Variants in ADAMTS9 observed in about 807,000 individuals in gnomAD.
The protein encoded by ADAMTS9 is ADAM metallopeptidase with thrombospondin type 1 motif 9, also known as A disintegrin and metalloproteinase with thrombospondin motifs 9.
In ADAMTS9, 107 loss-of-function variants were observed where a neutral mutation model predicts 257.1. That is an observed-to-expected ratio of 0.42 (90% CI 0.36 to 0.49). The LOEUF is 0.49. ADAMTS9 is among the 20% of genes least tolerant of loss of function. The pLI is 0.03. For missense variants in ADAMTS9, 2,353 were observed against 2,469.1 expected (o/e 0.95, Z 1.00); for synonymous variants, 982 against 880.9 (o/e 1.11, Z -2.03).
chr3:64,681,156 C>T, intron 3 of ADAMTS9, 45 bp downstream of exon 3: 2 of 1,578,592 alleles, frequency 1.3e-6, no homozygotes, highest in Non-Finnish European at 8.6e-7. Flanking sequence ...AGCAATTTAC[C>T]CATCTCAAAG....
intron 3 of ADAMTS9, among the ~76,000 whole-genome samples, chr3:64,676,174 A>T (rs1701621070): frequency 6.6e-6 from 1 of 152,306 alleles, no homozygotes; most frequent in South Asian, 2.1e-4. Flanking sequence ...CTGTCTGGTT[A>T]TTGAGACTGC....
chr3:64,631,756 T>G, intron 15 of ADAMTS9, 52 bp downstream of exon 15: 2 of 1,504,682 alleles, frequency 1.3e-6, no homozygotes, highest in East Asian at 4.5e-5. Context: ...GGTTAACAAT[T>G]TTCAAACTTT....
At chr3:64,576,725 C>G (rs1349466403) in intron 28 of ADAMTS9, among the ~76,000 whole-genome samples, 1 of 152,184 alleles carries the variant, frequency 6.6e-6, no homozygotes, top group East Asian at 1.9e-4. Context: ...TTAGGCCATC[C>G]TCCCATCCCC....
chr3:64,594,156 G>T, intron 28 of ADAMTS9, 102 bp downstream of exon 28: 1 of 1,245,416 alleles, frequency 8.0e-7, no homozygotes, highest in East Asian at 2.4e-5. Context: ...GAGTTTCTGG[G>T]ATGCCCTTGT....
chr3:64,608,646 C>T (rs1428498050), intron 22 of ADAMTS9, among the ~76,000 whole-genome samples: 1 of 151,848 alleles, frequency 6.6e-6, no homozygotes, highest in East Asian at 1.9e-4. Flanking sequence ...AATCATTAAT[C>T]AAAGTCTTCC....
At chr3:64,621,274 A>AAAT in intron 18 of ADAMTS9, 34 bp from the exon 19 acceptor site, 1 of 1,590,154 alleles carries the variant, frequency 6.3e-7, no homozygotes, top group East Asian at 2.3e-5. Flanking sequence ...TATTCAGGGA[A>AAAT]AATAATCTAT....
intron 38 of ADAMTS9, among the ~76,000 whole-genome samples, chr3:64,529,349 T>C (rs2082948770): frequency 6.6e-6 from 1 of 152,324 alleles, no homozygotes; most frequent in Non-Finnish European, 1.5e-5. Flanking sequence ...CCTGAATCAA[T>C]ACAGCTTTCC....
In ADAMTS9 at chr3:64,602,239, AG is replaced by A. The variant is rs752555608; in HGVS notation, c.3748-27del. On this transcript the variant is annotated intron_variant, in intron 25 of 39. Transcript: ENST00000498707. ...CTAGGTTGAATGTTCAGAAAGAGAAAGGGTCAGTCATTTGGTGGAGGGGTTG... is the reference window on the plus strand; with the variant it reads ...CTAGGTTGAATGTTCAGAAAGAGAAAGGTCAGTCATTTGGTGGAGGGGTTG... 4.1e-5 allele frequency: 66 copies of A among 1,608,028 alleles called. 1 individual carries two copies. In the Admixed American group the frequency reaches 1.0e-3, roughly 25 times the overall value.
intron 12 of ADAMTS9, among the ~76,000 whole-genome samples, chr3:64,640,782 A>G (rs1163515593): frequency 6.6e-6 from 1 of 152,140 alleles, no homozygotes; most frequent in African/African-American, 2.4e-5. Flanking sequence ...ATTGGATGTC[A>G]TTTTTTATAA....
chr3:64,517,166 C>T (rs972625859), intron 39 of ADAMTS9, 45 bp from the exon 40 acceptor site: 1 of 152,512 alleles, frequency 6.6e-6, no homozygotes, highest in South Asian at 2.1e-4. Flanking sequence ...GCCTCAAATG[C>T]TGCAAGTTAA....
intron 21 of ADAMTS9, 75 bp from the exon 22 acceptor site, chr3:64,613,584 A>G: frequency 6.9e-7 from 1 of 1,449,902 alleles, no homozygotes; most frequent in Non-Finnish European, 9.3e-7. Flanking sequence ...TTTATTGATG[A>G]GTAGGAACAG....
At position 64,516,048 on chromosome 3, in the gene ADAMTS9, T is replaced by C. The variant is rs976969537; in HGVS notation, c.*1079A>G. Reference sequence around the variant, plus strand: ...GCAGCGGGCATGAAAACCGGCAGGGTGTTAGGCTCATGGCCTGAAGAGAAG... The same window carrying C: ...GCAGCGGGCATGAAAACCGGCAGGGCGTTAGGCTCATGGCCTGAAGAGAAG... On this transcript the variant is annotated 3_prime_UTR_variant, in exon 40 of 40. Coordinates refer to ENST00000498707, the MANE Select transcript of ADAMTS9 (RefSeq NM_182920.2). 1 of 152,126 alleles carries C rather than the reference T, an allele frequency of 6.6e-6. No homozygotes were observed. The highest frequency in any genetic ancestry group is 6.5e-5 in the Admixed American group (1 of 15,268). 9.4% of individuals were successfully genotyped at this position (152,126 alleles called of 1,614,324 possible).
rs1047954274 is a variant in ADAMTS9 at position 64,681,316 on chromosome 3, T to C, written c.564A>G (p.Leu188=). ...SHDGDYFIEP[L]QSMDEQEDEE... ...CATCTTCTTGTTCATCCATAGACTG[T>C]AGTGGTTCAATAAAATAATCCCCAT... Residue 188 remains leucine, a synonymous_variant, in exon 3 of 40, where the codon CTA becomes CTG. Transcript: ENST00000498707. The C allele has an allele frequency of 2.5e-6, 4 of 1,613,682 alleles. No individual in the cohort carries two copies. The highest frequency in any genetic ancestry group is 1.3e-5 in the African/African-American group (1 of 74,868).
intron 28 of ADAMTS9, among the ~76,000 whole-genome samples, chr3:64,571,336 C>T (rs189565083): frequency 1.5e-3 from 221 of 152,284 alleles, no homozygotes; most frequent in African/African-American, 5.1e-3. Context: ...GGCATAACCA[C>T]AATGCTTTAT....
At chr3:64,642,043 T>A (rs192582347) in intron 11 of ADAMTS9, 50 bp from the exon 12 acceptor site, 214 of 1,605,100 alleles carry the variant, frequency 1.3e-4, no homozygotes, top group Non-Finnish European at 1.7e-4. Flanking sequence ...TGTGAGTTGT[T>A]ACAGGACTGG....
intron 38 of ADAMTS9, among the ~76,000 whole-genome samples, chr3:64,530,974 G>C (rs954577216): frequency 6.6e-6 from 1 of 152,114 alleles, no homozygotes; most frequent in Non-Finnish European, 1.5e-5. Flanking sequence ...GGAAGGAATG[G>C]GGAAAGAACA....
rs1393179915 is a variant in ADAMTS9, at chr3:64,655,661, T to C, written c.1084A>G (p.Thr362Ala). 1.9e-6 allele frequency: 3 copies of C among 1,614,010 alleles called. No homozygotes were observed. The African/African-American group carries it at 4.0e-5, about 22-fold the overall frequency. The change falls in exon 6 of 40, where the codon ACA becomes GCA. Residue 362 changes from threonine to alanine, a missense_variant. Physicochemically the swap from Thr to Ala is moderately conservative, Grantham distance 58. Around this residue, in one of 3 missense-constraint regions of ADAMTS9, gnomAD observed 591 missense variants for 569.6 expected, o/e 1.04. Coordinates refer to ENST00000498707, the MANE Select transcript of ADAMTS9 (RefSeq NM_182920.2). Reference protein sequence around the residue: ...DGPSISFNAQTTLKNFCQWQH... With the variant: ...DGPSISFNAQATLKNFCQWQH... The stretch of plus-strand genomic sequence containing the variant: ...CACTGGCAAAAGTTTTTTAATGTTG[T>C]CTGAGCATTAAAAGATATGGAAGGC...
rs1559811190 is a variant in ADAMTS9 at position 64,651,180 on chromosome 3, AATG to A, written c.1317-20_1317-18del. On this transcript the variant is annotated intron_variant, in intron 8 of 39. Coordinates refer to ENST00000498707, the MANE Select transcript of ADAMTS9 (RefSeq NM_182920.2). Reference sequence around the variant, plus strand: ...ATGTTAAACCTAAAGCCAATGAGACAATGATGAGAATGTCAATAAACACCAAGG... The same window carrying A: ...ATGTTAAACCTAAAGCCAATGAGACAATGAGAATGTCAATAAACACCAAGG... 2 of 1,550,862 alleles carry A rather than the reference AATG, an allele frequency of 1.3e-6. No homozygotes were observed. Among genetic ancestry groups the A allele is most frequent in the Non-Finnish European group, 1.7e-6 (2 of 1,155,886 alleles).
chr3:64,686,276 G>A lies in ADAMTS9; in HGVS notation c.516+292C>T, dbSNP rs535219166. Among the ~76,000 whole-genome samples the A allele has an allele frequency of 1.6e-4, 25 of 152,368 alleles. No homozygotes were observed. Among genetic ancestry groups the A allele is most frequent in the Admixed American group, 1.6e-3 (24 of 15,312 alleles). On this transcript the variant is annotated intron_variant, in intron 2 of 39. Transcript: ENST00000498707. This position sits in a 1 kb window ranked among gnomAD's most constrained non-coding sequence, Gnocchi z 4.6. The stretch of plus-strand genomic sequence containing the variant: ...GTAACTTTCTCCGAGTTTGGAAACT[G>A]ACTTCCAGGCCGCCTCGCAGCGTTG...
Sources: allele counts gnomAD v4.1 joint callset (sites outside exome capture counted in the v4.1 genomes callset), GRCh38; gene constraint gnomAD v4.1.1; regional missense constraint gnomAD v4.1.1; non-coding constraint Gnocchi (gnomAD v3.1); transcripts MANE v1.5; gene names NCBI Gene and HGNC (gene_info 2026-07-23, HGNC 2026-07-21).